Variants in PLEKHA6 observed in about 807,000 individuals in gnomAD.
PLEKHA6 encodes pleckstrin homology domain containing A6, also known as pleckstrin homology domain-containing family A member 6.
PLEKHA6 carries 60 observed loss-of-function variants against 116.7 expected under a neutral mutation model. That is an observed-to-expected ratio of 0.51 (90% CI 0.42 to 0.64). PLEKHA6 has a LOEUF of 0.64. Among genes scored for constraint, PLEKHA6 ranks in the 30% least tolerant of loss-of-function variants. The probability of loss-of-function intolerance (pLI) is 0.00; values close to 1 mark genes in which losing one functional copy is unlikely to be tolerated. For missense variants in PLEKHA6, 1,338 were observed against 1,422.7 expected (o/e 0.94, Z 0.96); for synonymous variants, 489 against 556.1 (o/e 0.88, Z 1.70).
rs541843029 is a variant in PLEKHA6 at position 204,280,084 on chromosome 1, G to A, written c.-94-5275C>T. 5.3e-5 allele frequency among the ~76,000 whole-genome samples: 8 copies of A among 152,292 alleles called. No homozygotes were observed. In the East Asian group the frequency reaches 1.3e-3, roughly 26 times the overall value. ...AGTGCCAGGGGCAGGCACTCTGGAAGTCTCAAGAGCGATAAATTACAAAGA... is the reference window on the plus strand; with the variant it reads ...AGTGCCAGGGGCAGGCACTCTGGAAATCTCAAGAGCGATAAATTACAAAGA... On this transcript the variant is annotated intron_variant, in intron 1 of 22. Transcript: ENST00000272203.
intron 14 of PLEKHA6, among the ~76,000 whole-genome samples, chr1:204,245,240 T>C (rs560740116): frequency 1.2e-4 from 18 of 152,134 alleles, no homozygotes; most frequent in Non-Finnish European, 2.1e-4. Flanking sequence ...CTGATACTGT[T>C]GTCCCTGAGG....
intron 1 of PLEKHA6, chr1:204,326,082 T>A (rs1672232411): frequency 6.0e-6 from 1 of 167,100 alleles, no homozygotes; most frequent in African/African-American, 2.4e-5. Context: ...TCTCCTAAGC[T>A]GCTTTGTGAG....
At chr1:204,262,371 A>G (rs1666235634) in intron 6 of PLEKHA6, among the ~76,000 whole-genome samples, 1 of 152,142 alleles carries the variant, frequency 6.6e-6, no homozygotes, top group Admixed American at 6.5e-5. Flanking sequence ...CATCTATTTC[A>G]CGGGAAAAGA....
intron 1 of PLEKHA6, chr1:204,308,025 C>T (rs1000969426): frequency 1.6e-5 from 5 of 309,706 alleles, no homozygotes; most frequent in African/African-American, 2.3e-5. Context: ...CTAAATTTGT[C>T]TTCCTCACCT....
chr1:204,296,418 T>C (rs1670282312), intron 1 of PLEKHA6, among the ~76,000 whole-genome samples: 2 of 152,136 alleles, frequency 1.3e-5, no homozygotes, highest in Admixed American at 6.5e-5. Flanking sequence ...CATTTAGATT[T>C]TGCATGCCTT....
chr1:204,282,853 G>A lies in PLEKHA6; in HGVS notation c.-94-8044C>T, dbSNP rs1441646758. The A allele has an allele frequency of 4.1e-6, 4 of 969,170 alleles. No individual in the cohort carries two copies. In the East Asian group the frequency reaches 4.6e-4, roughly 111 times the overall value. The allele number at this position is 969,170 out of a possible 1,614,324, so 60.0% of individuals were successfully genotyped here. A position where few individuals can be genotyped will look rare whatever the true frequency, so the allele number is the denominator to read the frequency against. On this transcript the variant is annotated intron_variant, in intron 1 of 22. Coordinates refer to ENST00000272203, the MANE Select transcript of PLEKHA6 (RefSeq NM_014935.5). ...GGAGAACCAGCTGCCTACAGCTCTG[G>A]GTTTTCCTCCTCTCAGCCTTTCCTC...
intron 21 of PLEKHA6, among the ~76,000 whole-genome samples, chr1:204,227,760 C>T (rs1472864721): frequency 1.3e-5 from 2 of 152,200 alleles, no homozygotes; most frequent in African/African-American, 2.4e-5. Flanking sequence ...CAGCTGTCAT[C>T]TTTTCTCTGT....
chr1:204,369,187 A>G (rs1416088169), intron 2 of PLEKHA6: 1 of 152,154 alleles, frequency 6.6e-6, no homozygotes, highest in African/African-American at 2.4e-5. Flanking sequence ...TAAGCTATGC[A>G]CTTTGCCTCT....
At chr1:204,370,872 G>T (rs11804168) in intron 2 of PLEKHA6, among the ~76,000 whole-genome samples, 16,346 of 151,970 alleles carry the variant, frequency 0.11, 1,175 homozygotes, top group African/African-American at 0.2. Flanking sequence ...TGGCCAACAT[G>T]GCAAAACCCC....
At chr1:204,351,147 C>T (rs1047047663) in intron 1 of PLEKHA6, among the ~76,000 whole-genome samples, 3 of 151,898 alleles carry the variant, frequency 2.0e-5, no homozygotes, top group East Asian at 3.9e-4. Context: ...GCCGGGCTAC[C>T]GAGCAGCTGG....
chr1:204,248,344 G>A (rs1384421778), intron 12 of PLEKHA6, among the ~76,000 whole-genome samples: 3 of 152,114 alleles, frequency 2.0e-5, no homozygotes, highest in African/African-American at 7.2e-5. Flanking sequence ...AGTAGAGACA[G>A]GGTTTCTCCA....
intron 15 of PLEKHA6, among the ~76,000 whole-genome samples, chr1:204,244,195 G>A (rs1192149271): frequency 4.0e-5 from 6 of 149,942 alleles, no homozygotes; most frequent in Non-Finnish European, 8.9e-5. Context: ...ACAGTGGTGC[G>A]ATCTTGGTTC....
intron 1 of PLEKHA6, among the ~76,000 whole-genome samples, chr1:204,339,168 C>G (rs1301469983): frequency 6.6e-6 from 1 of 152,188 alleles, no homozygotes; most frequent in Non-Finnish European, 1.5e-5. Flanking sequence ...GTTGACAGGC[C>G]CCGCTGAGCT....
intron 1 of PLEKHA6, chr1:204,311,638 T>A: frequency 1.0e-6 from 1 of 975,842 alleles, no homozygotes; most frequent in Non-Finnish European, 1.2e-6. Context: ...TCCAAGATGT[T>A]CAAAGGGTTT....
chr1:204,330,439 T>A (rs959954937), intron 1 of PLEKHA6, among the ~76,000 whole-genome samples: 2 of 152,256 alleles, frequency 1.3e-5, no homozygotes, highest in African/African-American at 4.8e-5. Flanking sequence ...CTTGGGCACA[T>A]TGGTGTTATT....
chr1:204,278,842 T>A (rs189791928), intron 1 of PLEKHA6, among the ~76,000 whole-genome samples: 79 of 152,304 alleles, frequency 5.2e-4, no homozygotes, highest in Non-Finnish European at 9.6e-4. Context: ...AGGTGCTCGA[T>A]AAATATTTGT....
In PLEKHA6 at chr1:204,223,053, G is replaced by C. The variant is rs1313974443; in HGVS notation, c.*9-274C>G. 6.6e-6 allele frequency among the ~76,000 whole-genome samples: 1 copy of C among 152,208 alleles called. No individual in the cohort carries two copies. The highest frequency in any genetic ancestry group is 1.5e-5 in the Non-Finnish European group (1 of 68,046). On this transcript the variant is annotated intron_variant, in intron 22 of 22. Transcript: ENST00000272203. The surrounding 1 kb of genome is among the most constrained non-coding windows in gnomAD (Gnocchi z 4.8). ...TAATTTACAGTAAGATCTGGGAGTG[G>C]AGAAACAGCTTCTGAGGGCTTCTGA...
chr1:204,361,216 G>A (rs1406571656), upstream of PLEKHA6, among the ~76,000 whole-genome samples: 1 of 152,162 alleles, frequency 6.6e-6, no homozygotes, highest in Admixed American at 6.5e-5. Flanking sequence ...TTTATTATTA[G>A]AACAACTTGA....
chr1:204,314,884 CCA>C (rs1671796204), intron 1 of PLEKHA6, among the ~76,000 whole-genome samples: 1 of 152,154 alleles, frequency 6.6e-6, no homozygotes, highest in Non-Finnish European at 1.5e-5. Flanking sequence ...TCTTCTAATT[CCA>C]CAGGGGCTTC....
Sources: gnomAD v4.1 joint callset for allele counts (sites outside exome capture counted in the v4.1 genomes callset) on GRCh38, gnomAD v4.1.1 for gene constraint, Gnocchi (gnomAD v3.1) non-coding constraint, MANE v1.5 for transcripts, NCBI Gene and HGNC (gene_info 2026-07-23, HGNC 2026-07-21) for gene names.